The following AGBL3 variants were observed in gnomAD, a reference collection of about 807,000 sequenced individuals.
The protein encoded by AGBL3 is AGBL carboxypeptidase 3, also known as cytosolic carboxypeptidase 3.
AGBL3 carries 68 observed loss-of-function variants against 94.5 expected under a neutral mutation model. That is an observed-to-expected ratio of 0.72 (90% CI 0.59 to 0.88). AGBL3 has a LOEUF of 0.88. Among genes scored for constraint, AGBL3 ranks in the 40% least tolerant of loss-of-function variants. The pLI is 0.00. For synonymous variants in AGBL3, 354 were observed against 370.7 expected (o/e 0.95, Z 0.52); for missense variants, 934 against 1,103.8 (o/e 0.85, Z 2.18).
chr7:135,001,095 T>C (rs1811659775), intron 4 of AGBL3, among the ~76,000 whole-genome samples: 1 of 152,192 alleles, frequency 6.6e-6, no homozygotes, highest in East Asian at 1.9e-4. Context: ...AGATATAAAA[T>C]CCATCCCAAT....
intron 16 of AGBL3, among the ~76,000 whole-genome samples, chr7:135,117,516 T>A (rs1826494072): frequency 6.6e-6 from 1 of 152,230 alleles, no homozygotes; most frequent in Non-Finnish European, 1.5e-5. Flanking sequence ...TCTCATTCTT[T>A]GCTTATTCTC....
intron 5 of AGBL3, among the ~76,000 whole-genome samples, chr7:135,031,747 C>T (rs570928426): frequency 2.6e-5 from 4 of 152,296 alleles, no homozygotes; most frequent in African/African-American, 7.2e-5. Context: ...TGCAGCCTTT[C>T]TGGAGTCACA....
intron 12 of AGBL3, among the ~76,000 whole-genome samples, chr7:135,072,665 C>CA (rs1004550250): frequency 6.7e-6 from 1 of 148,640 alleles, no homozygotes; most frequent in African/African-American, 2.5e-5. Flanking sequence ...ATCACAAGGA[C>CA]AAAAAACCAA....
intron 4 of AGBL3, among the ~76,000 whole-genome samples, chr7:134,995,905 C>G (rs184907507): frequency 6.6e-6 from 1 of 152,302 alleles, no homozygotes; most frequent in African/African-American, 2.4e-5. Flanking sequence ...TACAATACAT[C>G]CTTGTGTAGG....
intron 4 of AGBL3, among the ~76,000 whole-genome samples, chr7:134,995,040 A>G (rs549710953): frequency 6.6e-6 from 1 of 152,178 alleles, no homozygotes; most frequent in East Asian, 1.9e-4. Context: ...TCCAACAGAG[A>G]AAACACTGCC....
At chr7:134,998,013 A>T (rs1208780953) in intron 4 of AGBL3, among the ~76,000 whole-genome samples, 1 of 152,236 alleles carries the variant, frequency 6.6e-6, no homozygotes, top group Non-Finnish European at 1.5e-5. Context: ...TTTTTCATTG[A>T]TATTACATAC....
chr7:135,095,174 C>T (rs1822474967), intron 15 of AGBL3, among the ~76,000 whole-genome samples: 1 of 152,172 alleles, frequency 6.6e-6, no homozygotes, highest in Non-Finnish European at 1.5e-5. Context: ...CTTCCTGTCT[C>T]ACTGGAGGGT....
intron 12 of AGBL3, among the ~76,000 whole-genome samples, chr7:135,067,711 A>T (rs1224790549): frequency 6.6e-6 from 1 of 152,246 alleles, no homozygotes; most frequent in African/African-American, 2.4e-5. Flanking sequence ...ACAAACAGAA[A>T]GGACATCCAC....
At chr7:135,030,370 GATTT>G (rs1231674547) in intron 5 of AGBL3, among the ~76,000 whole-genome samples, 1 of 152,084 alleles carries the variant, frequency 6.6e-6, no homozygotes, top group Non-Finnish European at 1.5e-5. Flanking sequence ...GCTCATGATG[GATTT>G]ATTGGGTATA....
At chr7:135,020,829 T>C (rs1814351871) in intron 5 of AGBL3, among the ~76,000 whole-genome samples, 1 of 148,450 alleles carries the variant, frequency 6.7e-6, no homozygotes, top group South Asian at 2.1e-4. Context: ...AAACACCGCA[T>C]GTTCTCACTC....
intron 3 of AGBL3, among the ~76,000 whole-genome samples, chr7:134,991,897 A>T (rs1810333783): frequency 6.6e-6 from 1 of 151,990 alleles, no homozygotes; most frequent in African/African-American, 2.4e-5. Context: ...GAGGCCTGCC[A>T]TTCAGCAGGC....
intron 16 of AGBL3, among the ~76,000 whole-genome samples, chr7:135,125,466 A>T (rs897697955): frequency 6.6e-6 from 1 of 152,202 alleles, no homozygotes; most frequent in Non-Finnish European, 1.5e-5. Context: ...CCAGAAGTAC[A>T]AAGAAGAGCT....
intron 15 of AGBL3, among the ~76,000 whole-genome samples, chr7:135,102,546 C>T (rs1284822213): frequency 6.6e-6 from 1 of 151,800 alleles, no homozygotes; most frequent in Non-Finnish European, 1.5e-5. Flanking sequence ...TATGACAAGC[C>T]AGTAGACCAT....
At chr7:135,118,608 T>C (rs1320708256) in intron 16 of AGBL3, among the ~76,000 whole-genome samples, 1 of 152,234 alleles carries the variant, frequency 6.6e-6, no homozygotes, top group Non-Finnish European at 1.5e-5. Context: ...AAAGTGTCTA[T>C]GTTTTAATCA....
At chr7:135,120,281 G>T (rs927326253) in intron 16 of AGBL3, among the ~76,000 whole-genome samples, 1 of 152,048 alleles carries the variant, frequency 6.6e-6, no homozygotes, top group African/African-American at 2.4e-5. Flanking sequence ...TATTGATGTG[G>T]TTCCAAATAT....
chr7:134,993,410 G>T, intron 3 of AGBL3, 83 bp from the exon 4 acceptor site: 1 of 1,189,852 alleles, frequency 8.4e-7, no homozygotes, highest in South Asian at 1.8e-5. Flanking sequence ...AGTGTTGAAA[G>T]GAAAAAAGGA....
At chr7:135,037,333 G>A in intron 7 of AGBL3, 85 bp from the exon 8 acceptor site, 1 of 1,129,460 alleles carries the variant, frequency 8.9e-7, no homozygotes, top group Non-Finnish European at 1.2e-6. Flanking sequence ...TATTTATTTG[G>A]ATATTACACT....
intron 16 of AGBL3, 175 bp downstream of exon 16, chr7:135,115,786 A>G (rs553749220): frequency 5.4e-6 from 3 of 558,786 alleles, no homozygotes. Context: ...TGGATAAATG[A>G]AGGAGTAAGT....
chr7:135,103,365 A>G (rs1824147150), intron 15 of AGBL3, among the ~76,000 whole-genome samples: 1 of 152,146 alleles, frequency 6.6e-6, no homozygotes, highest in Non-Finnish European at 1.5e-5. Context: ...GTTTTAAGTG[A>G]AGTCCAAAAA....
Sources: allele counts gnomAD v4.1 joint callset (sites outside exome capture counted in the v4.1 genomes callset), GRCh38; gene constraint gnomAD v4.1.1; transcripts MANE v1.5; gene names NCBI Gene and HGNC (gene_info 2026-07-23, HGNC 2026-07-21).